The following UNC13B variants were observed in gnomAD, a reference collection of about 807,000 sequenced individuals.
UNC13B encodes unc-13 homolog B.
In UNC13B, 144 loss-of-function variants were observed where a neutral mutation model predicts 211.0. The ratio of observed to expected loss-of-function variants is 0.68; its 90% CI spans 0.60 to 0.78. The LOEUF (loss-of-function observed/expected upper bound fraction) is 0.78, where lower values mean the gene tolerates loss of function less well. Among genes scored for constraint, UNC13B ranks in the 30% least tolerant of loss-of-function variants. The probability of loss-of-function intolerance (pLI) is 0.00; values close to 1 mark genes in which losing one functional copy is unlikely to be tolerated. For synonymous variants in UNC13B, 709 were observed against 725.8 expected, an observed-to-expected ratio of 0.98 and a Z score of 0.37; for missense variants, 1,777 against 2,002.0, an observed-to-expected ratio of 0.89 and a Z score of 2.14.
At chr9:35,353,288 A>ATTCACCACT in intron 11 of UNC13B, 1 of 1,232,230 alleles carries the variant, frequency 8.1e-7, no homozygotes, top group Non-Finnish European at 1.0e-6. Flanking sequence ...GGGCCGAGCA[A>ATTCACCACT]TTCACCACTT....
intron 11 of UNC13B, among the ~76,000 whole-genome samples, chr9:35,364,011 G>A (rs981773146): frequency 2.6e-5 from 4 of 152,170 alleles, no homozygotes; most frequent in Non-Finnish European, 2.9e-5. Context: ...TTTCAGGTCC[G>A]AGAAACGGGC....
At chr9:35,385,058 G>A in intron 22 of UNC13B, 11 of 985,340 alleles carry the variant, frequency 1.1e-5, no homozygotes, top group Non-Finnish European at 1.3e-5. Flanking sequence ...CTTATATTTG[G>A]CATATAAGTA....
At chr9:35,327,351 G>A (rs1232927353) in intron 11 of UNC13B, among the ~76,000 whole-genome samples, 1 of 152,168 alleles carries the variant, frequency 6.6e-6, no homozygotes, top group African/African-American at 2.4e-5. Flanking sequence ...AGCCAGTAGA[G>A]GCTCAGTCCA....
intron 7 of UNC13B, among the ~76,000 whole-genome samples, chr9:35,276,196 C>T (rs1444120590): frequency 6.7e-6 from 1 of 150,176 alleles, no homozygotes; most frequent in Non-Finnish European, 1.5e-5. Flanking sequence ...GTCCCAGCTA[C>T]ATGGGAGGCT....
intron 1 of UNC13B, among the ~76,000 whole-genome samples, chr9:35,178,428 C>T (rs141493007): frequency 3.3e-5 from 5 of 151,580 alleles, no homozygotes; most frequent in East Asian, 1.9e-4. Flanking sequence ...ACCCAGGAGG[C>T]GGAGGTTGCA....
Position 35,237,785 on chromosome 9 carries a change from C to T in UNC13B, c.353C>T (p.Pro118Leu), listed in dbSNP as rs1587437725. The T allele has an allele frequency of 6.2e-7, 1 of 1,613,816 alleles. No homozygotes were observed. Among genetic ancestry groups the T allele is most frequent in the Non-Finnish European group, 8.5e-7 (1 of 1,179,914 alleles). Residue 118 changes from proline (P) to leucine (L), a missense_variant, in exon 5 of 40, where the codon CCT (proline) becomes CTT (leucine). Physicochemically the swap from Pro to Leu is moderately conservative, Grantham distance 98 (BLOSUM62 -3). Coordinates refer to ENST00000635942, the MANE Select transcript of UNC13B (RefSeq NM_001371189.2). ...DEICGTRNPT[P>L]HKILLDTRFE... ...ATCTGTGGAACTAGAAACCCAACTC[C>T]TCATAAAATTTTGCTTGATACAAGA...
chr9:35,352,595 A>T (rs1832784148), intron 11 of UNC13B: 2 of 1,232,174 alleles, frequency 1.6e-6, no homozygotes, highest in Non-Finnish European at 2.0e-6. Flanking sequence ...AACATATCAG[A>T]TGAAGGCTCA....
In UNC13B at chr9:35,403,519, C is replaced by G. The variant is rs1229969656; in HGVS notation, c.12657C>G (p.His4219Gln). The change falls in exon 39 of 40, where the codon CAC becomes CAG. Residue 4219 changes from histidine (H) to glutamine (Q), a missense_variant. His to Gln is a conservative substitution (Grantham distance 24, BLOSUM62 0). Coordinates refer to ENST00000635942, the MANE Select transcript of UNC13B (RefSeq NM_001371189.2). ...PFVEVTMVGPHQSDKKRKFTT... is the reference protein window; with the variant it reads ...PFVEVTMVGPQQSDKKRKFTT... ...TGGAGGTGACTATGGTTGGCCCACA[C>G]CAAAGTGATAAGAAGAGGAAGTTCA... 2 of 1,613,816 alleles carry G rather than the reference C, an allele frequency of 1.2e-6. No homozygotes were observed. The highest frequency in any genetic ancestry group is 1.7e-6 in the Non-Finnish European group (2 of 1,180,012).
At chr9:35,329,491 ATT>A (rs112246958) in intron 11 of UNC13B, among the ~76,000 whole-genome samples, 2 of 144,694 alleles carry the variant, frequency 1.4e-5, no homozygotes. Flanking sequence ...GCATTGTGAG[ATT>A]TTTTTTTTTT....
intron 5 of UNC13B, among the ~76,000 whole-genome samples, chr9:35,242,377 T>G (rs1369925973): frequency 6.6e-6 from 1 of 152,192 alleles, no homozygotes; most frequent in Non-Finnish European, 1.5e-5. Flanking sequence ...CACATTGTTG[T>G]GCAACAGATA....
Position 35,301,686 on chromosome 9 carries a change from C to G in UNC13B, c.2282C>G (p.Ser761Cys). 1 of 398,842 alleles carries G rather than the reference C, an allele frequency of 2.5e-6. No homozygotes were observed. The highest frequency in any genetic ancestry group is 4.4e-6 in the Non-Finnish European group (1 of 225,916). The allele number at this position is 398,842 out of a possible 1,614,324, so 24.7% of individuals were successfully genotyped here. Residue 761 changes from serine (S) to cysteine (C), a missense_variant, in exon 9 of 40, where the codon TCT becomes TGT. By Grantham distance (112) the Ser-to-Cys change is moderately radical (BLOSUM62 -1). Coordinates refer to ENST00000635942, the MANE Select transcript of UNC13B (RefSeq NM_001371189.2). ...GAAGAAAAACTCTGTATAGATCTGT[C>G]TCTTTTACCAGATCAACAAAAAATA... Reference protein sequence around the residue: ...LLEEKLCIDLSLLPDQQKICA... With the variant: ...LLEEKLCIDLCLLPDQQKICA...
chr9:35,270,727 C>T (rs1187756298), intron 7 of UNC13B, among the ~76,000 whole-genome samples: 1 of 152,136 alleles, frequency 6.6e-6, no homozygotes, highest in Non-Finnish European at 1.5e-5. Flanking sequence ...CTTTCTTGTC[C>T]TTTTTGCACC....
chr9:35,397,354 A>G, intron 29 of UNC13B, 44 bp downstream of exon 29: 1 of 1,604,476 alleles, frequency 6.2e-7, no homozygotes, highest in Non-Finnish European at 8.5e-7. Context: ...CCACCACCAC[A>G]CTCACAGTCT....
At chr9:35,378,903 C>T (rs1391051771) in intron 17 of UNC13B, among the ~76,000 whole-genome samples, 1 of 152,200 alleles carries the variant, frequency 6.6e-6, no homozygotes, top group Non-Finnish European at 1.5e-5. Flanking sequence ...GAAGAAGATG[C>T]TGTTTCCCAT....
Position 35,301,913 on chromosome 9 carries a change from C to T in UNC13B, c.2509C>T (p.Arg837Cys), listed in dbSNP as rs1448682038. The change falls in exon 9 of 40, where the codon CGC (arginine) becomes TGC (cysteine). Residue 837 changes from arginine (R) to cysteine (C), a missense_variant. Arg to Cys is a radical substitution (Grantham distance 180). Transcript: ENST00000635942. ...KESLSEPVKIRQVEEDGLERG... is the reference protein window; with the variant it reads ...KESLSEPVKICQVEEDGLERG... ...AAGTTTGTCAGAACCTGTGAAAATT[C>T]GCCAGGTGGAGGAAGATGGTTTAGA... 1.5e-5 allele frequency: 6 copies of T among 398,660 alleles called. No individual in the cohort carries two copies. The highest frequency in any genetic ancestry group is 1.3e-4 in the South Asian group (1 of 7,858). The allele number at this position is 398,660 out of a possible 1,614,324, so 24.7% of individuals were successfully genotyped here. A position where few individuals can be genotyped will look rare whatever the true frequency, so the allele number is the denominator to read the frequency against.
chr9:35,335,995 G>A (rs1587645789), intron 11 of UNC13B, among the ~76,000 whole-genome samples: 2 of 152,060 alleles, frequency 1.3e-5, no homozygotes, highest in South Asian at 2.1e-4. Context: ...GAGTCACTGC[G>A]CCTGGCCCCA....
At chr9:35,314,600 A>G (rs932999780) in intron 11 of UNC13B, among the ~76,000 whole-genome samples, 1 of 152,112 alleles carries the variant, frequency 6.6e-6, no homozygotes, top group African/African-American at 2.4e-5. Context: ...ATACATGGAT[A>G]TGTTGCATAG....
At chr9:35,362,825 A>T (rs1833516865) in intron 11 of UNC13B, among the ~76,000 whole-genome samples, 2 of 150,666 alleles carry the variant, frequency 1.3e-5, no homozygotes, top group Admixed American at 1.3e-4. Context: ...AAAAATCTGC[A>T]TCTATTTGCT....
At chr9:35,273,171 G>A (rs143859471) in intron 7 of UNC13B, among the ~76,000 whole-genome samples, 1 of 152,274 alleles carries the variant, frequency 6.6e-6, no homozygotes, top group East Asian at 1.9e-4. Flanking sequence ...AGAACAGTTG[G>A]ATGTGAGTCA....
Sources: gnomAD v4.1 joint callset for allele counts (sites outside exome capture counted in the v4.1 genomes callset) on GRCh38, gnomAD v4.1.1 for gene constraint, MANE v1.5 for transcripts, NCBI Gene and HGNC (gene_info 2026-07-23, HGNC 2026-07-21) for gene names.